Variants in ATXN7L1 observed in about 807,000 individuals in gnomAD.
ATXN7L1 encodes ataxin 7 like 1.
Under a neutral mutation model 70.8 loss-of-function variants are expected in ATXN7L1, and 15 were observed. The observed-to-expected ratio is 0.21, with a 90% CI of 0.14 to 0.33. The LOEUF (loss-of-function observed/expected upper bound fraction) is 0.33. Ranked by LOEUF, ATXN7L1 falls within the 10% of genes least tolerant of loss-of-function variation. The pLI is 1.00. For missense variants in ATXN7L1, 975 were observed against 1,097.1 expected, an observed-to-expected ratio of 0.89 and a Z score of 1.57; for synonymous variants, 440 against 445.1, an observed-to-expected ratio of 0.99 and a Z score of 0.14.
intron 3 of ATXN7L1, among the ~76,000 whole-genome samples, chr7:105,694,087 GC>G (rs1223663810): frequency 2.0e-5 from 3 of 149,456 alleles, no homozygotes; most frequent in Admixed American, 2.0e-4. Context: ...TCGCTCTGTT[GC>G]CTAGGCTGGA....
Position 105,770,235 on chromosome 7 carries a change from G to A in ATXN7L1, c.355+18369C>T, listed in dbSNP as rs565067455. On this transcript the variant is annotated intron_variant, in intron 3 of 11. Coordinates refer to ENST00000419735, the MANE Select transcript of ATXN7L1 (RefSeq NM_020725.2). ...ATAGATGGCGTTTCTGCTCTGCCAA[G>A]AGCAATAGCTATTTATCATGGCAAA... Among the ~76,000 whole-genome samples, 71 of 152,350 alleles carry A rather than the reference G, an allele frequency of 4.7e-4. 1 individual carries two copies. Among genetic ancestry groups the A allele is most frequent in the Non-Finnish European group, 7.1e-4 (48 of 68,028 alleles).
At position 105,826,042 on chromosome 7, in the gene ATXN7L1, C is replaced by T. The variant is rs116638076; in HGVS notation, c.251-37334G>A. 1.2e-3 allele frequency among the ~76,000 whole-genome samples: 190 copies of T among 152,202 alleles called. 1 individual carries two copies. The highest frequency in any genetic ancestry group is 4.3e-3 in the African/African-American group (179 of 41,516). On this transcript the variant is annotated intron_variant, in intron 2 of 11. Transcript: ENST00000419735. Reference sequence around the variant, plus strand: ...CCTAAAACCAATAAATGAAGAAGTACTCATATATATACCCTTTATAGAGAT... The same window carrying T: ...CCTAAAACCAATAAATGAAGAAGTATTCATATATATACCCTTTATAGAGAT...
intron 2 of ATXN7L1, among the ~76,000 whole-genome samples, chr7:105,809,750 G>T (rs1808146147): frequency 6.6e-6 from 1 of 150,846 alleles, no homozygotes; most frequent in Non-Finnish European, 1.5e-5. Context: ...ATGCTTACCT[G>T]CTGTGTAAGT....
At position 105,730,264 on chromosome 7, in the gene ATXN7L1, T is replaced by C. The variant is rs564033836; in HGVS notation, c.355+58340A>G. ...TTGATGTATGTGATGAAAATGGCAC[T>C]TTACCTCTGTGGTCTTTACCCCCAA... On this transcript the variant is annotated intron_variant, in intron 3 of 11. Transcript: ENST00000419735. 2.6e-5 allele frequency among the ~76,000 whole-genome samples: 4 copies of C among 152,314 alleles called. No homozygotes were observed. The East Asian group carries it at 5.8e-4, about 22-fold the overall frequency.
intron 4 of ATXN7L1, among the ~76,000 whole-genome samples, chr7:105,654,199 C>T (rs765508535): frequency 6.6e-6 from 1 of 152,232 alleles, no homozygotes; most frequent in Non-Finnish European, 1.5e-5. Flanking sequence ...CAAACTGGCA[C>T]CCCACCAATG....
intron 4 of ATXN7L1, among the ~76,000 whole-genome samples, chr7:105,654,682 A>G (rs1354156151): frequency 1.3e-5 from 2 of 152,144 alleles, no homozygotes; most frequent in African/African-American, 4.8e-5. Context: ...ATAATGAGCT[A>G]TGCAGCTATG....
At chr7:105,691,788 T>C (rs1295040636) in intron 3 of ATXN7L1, among the ~76,000 whole-genome samples, 1 of 151,880 alleles carries the variant, frequency 6.6e-6, no homozygotes, top group African/African-American at 2.4e-5. Context: ...TTCTGCACGG[T>C]GCACAGCCCG....
intron 3 of ATXN7L1, among the ~76,000 whole-genome samples, chr7:105,718,007 T>C (rs1563033158): frequency 6.6e-6 from 1 of 152,122 alleles, no homozygotes; most frequent in Non-Finnish European, 1.5e-5. Flanking sequence ...AACTATGAAA[T>C]AGTTAATATC....
intron 2 of ATXN7L1, among the ~76,000 whole-genome samples, chr7:105,790,316 T>C (rs1270375066): frequency 6.6e-6 from 1 of 152,306 alleles, no homozygotes; most frequent in East Asian, 1.9e-4. Flanking sequence ...GTGAATTATA[T>C]CTCAGCTGGG....
At chr7:105,866,077 G>A (rs766952867) in intron 2 of ATXN7L1, among the ~76,000 whole-genome samples, 27 of 152,042 alleles carry the variant, frequency 1.8e-4, no homozygotes, top group Admixed American at 4.6e-4. Flanking sequence ...TAATATCATC[G>A]GACTGGGTGT....
At chr7:105,624,001 C>A (rs1462489129) in intron 8 of ATXN7L1, 74 bp downstream of exon 8, 26 of 1,270,102 alleles carry the variant, frequency 2.0e-5, no homozygotes, top group Non-Finnish European at 2.2e-5. Context: ...AAGGATCATG[C>A]CTCTGGTATG....
intron 3 of ATXN7L1, among the ~76,000 whole-genome samples, chr7:105,747,166 G>T (rs1348172427): frequency 6.6e-6 from 1 of 152,190 alleles, no homozygotes; most frequent in Admixed American, 6.5e-5. Flanking sequence ...CAGGATGGGG[G>T]CTGTTCACCA....
chr7:105,693,370 T>G (rs1226183747), intron 3 of ATXN7L1, among the ~76,000 whole-genome samples: 1 of 151,972 alleles, frequency 6.6e-6, no homozygotes, highest in Non-Finnish European at 1.5e-5. Flanking sequence ...TTTTAAAGTT[T>G]TTGTAGAGAC....
chr7:105,689,802 A>G (rs534305985), intron 3 of ATXN7L1, among the ~76,000 whole-genome samples: 3 of 152,182 alleles, frequency 2.0e-5, no homozygotes, highest in Non-Finnish European at 4.4e-5. Flanking sequence ...ATCATGTCCG[A>G]GCCCGAGTTT....
At position 105,617,956 on chromosome 7, in the gene ATXN7L1, G is replaced by A. The variant is rs1215941442; in HGVS notation, c.1517+2244C>T. 20 of 456,650 alleles carry A rather than the reference G, an allele frequency of 4.4e-5. 1 individual carries two copies. The highest frequency in any genetic ancestry group is 2.6e-4 in the South Asian group (17 of 64,574). 28.3% of individuals were successfully genotyped at this position (456,650 alleles called of 1,614,324 possible). On this transcript the variant is annotated intron_variant, in intron 9 of 11. Transcript: ENST00000419735. Reference sequence around the variant, plus strand: ...CGCCGGGGCCTGGGGTTTGGGCAGCGAGGTTGAGAGGGTAGCGGGGTGCTA... The same window carrying A: ...CGCCGGGGCCTGGGGTTTGGGCAGCAAGGTTGAGAGGGTAGCGGGGTGCTA...
In ATXN7L1 at chr7:105,642,246, C is replaced by T. The variant is rs766198471; in HGVS notation, c.862+592G>A. Among the ~76,000 whole-genome samples the T allele has an allele frequency of 8.5e-5, 13 of 152,188 alleles. 1 individual carries two copies. Among genetic ancestry groups the T allele is most frequent in the South Asian group, 2.1e-4 (1 of 4,828 alleles). On this transcript the variant is annotated intron_variant, in intron 5 of 11. Transcript: ENST00000419735. ...ACCAAGGAGTAGACCCACAAGAGAC[C>T]GCCCCAGCACCCTATCGGCACTGCC...
At chr7:105,634,910 T>C (rs1797138670) in intron 7 of ATXN7L1, among the ~76,000 whole-genome samples, 1 of 151,152 alleles carries the variant, frequency 6.6e-6, no homozygotes. Context: ...TGAGACTCTG[T>C]CTCTACAGGA....
At chr7:105,733,847 C>T in intron 3 of ATXN7L1, among the ~76,000 whole-genome samples, 3 of 147,434 alleles carry the variant, frequency 2.0e-5, no homozygotes, top group Admixed American at 6.7e-5. Flanking sequence ...TCCACCCATC[C>T]ATCCATCCAT....
chr7:105,720,831 A>T (rs1795103729), intron 3 of ATXN7L1, among the ~76,000 whole-genome samples: 1 of 151,704 alleles, frequency 6.6e-6, no homozygotes, highest in Non-Finnish European at 1.5e-5. Flanking sequence ...ATTCCAGGGC[A>T]CTCTACCTGT....
Sources: gnomAD v4.1 joint callset for allele counts (sites outside exome capture counted in the v4.1 genomes callset) on GRCh38, gnomAD v4.1.1 for gene constraint, MANE v1.5 for transcripts, NCBI Gene and HGNC (gene_info 2026-07-23, HGNC 2026-07-21) for gene names.